Variants in ANKMY1 observed in about 807,000 individuals in gnomAD.
ANKMY1 encodes the protein ankyrin repeat and MYND domain containing 1.
A neutral mutation model predicts 102.0 loss-of-function variants in ANKMY1; 98 were observed. The ratio of observed to expected loss-of-function variants is 0.96; its 90% CI spans 0.82 to 1.14. ANKMY1 has a LOEUF of 1.14. Among genes scored for constraint, ANKMY1 ranks in the 50% most tolerant of loss-of-function variants. The probability of loss-of-function intolerance (pLI) is 0.00; values close to 1 mark genes in which losing one functional copy is unlikely to be tolerated. For synonymous variants in ANKMY1, 582 were observed against 559.9 expected, an observed-to-expected ratio of 1.04 and a Z score of -0.56; for missense variants, 1,330 against 1,347.6, an observed-to-expected ratio of 0.99 and a Z score of 0.20.
At chr2:240,514,002 G>A (rs1018606587) in intron 9 of ANKMY1, among the ~76,000 whole-genome samples, 6 of 152,248 alleles carry the variant, frequency 3.9e-5, no homozygotes, top group Admixed American at 6.5e-5. Flanking sequence ...CTGCTCCATG[G>A]TAACCACAGC....
intron 4 of ANKMY1, among the ~76,000 whole-genome samples, chr2:240,535,413 G>T: frequency 6.6e-6 from 1 of 152,322 alleles, no homozygotes. Context: ...TGTTCAGAGA[G>T]AGAGCAGGTT....
At chr2:240,545,079 A>G (rs1345234596) in intron 4 of ANKMY1, among the ~76,000 whole-genome samples, 3 of 151,814 alleles carry the variant, frequency 2.0e-5, no homozygotes, top group Admixed American at 6.6e-5. Flanking sequence ...CAAAAAGACA[A>G]CAGTAACCTC....
rs554830444 is a variant in ANKMY1 at position 240,547,620 on chromosome 2, A to T, written c.480+5294T>A. Among the ~76,000 whole-genome samples the T allele has an allele frequency of 2.7e-5, 4 of 149,054 alleles. No individual in the cohort carries two copies. In the South Asian group the frequency reaches 6.6e-4, roughly 25 times the overall value. On this transcript the variant is annotated intron_variant, in intron 4 of 17. Transcript: ENST00000401804. The stretch of plus-strand genomic sequence containing the variant: ...ACAAAATTGATAGACTGCTAGCAAG[A>T]CTAATAAAGAAAAAAAGAGAGAAGA...
chr2:240,554,712 T>A lies in ANKMY1; in HGVS notation c.336+154A>T, dbSNP rs2092077994. The A allele has an allele frequency of 5.7e-6, 5 of 880,964 alleles. No homozygotes were observed. The Admixed American group carries it at 1.3e-4, about 23-fold the overall frequency. The allele number at this position is 880,964 out of a possible 1,614,324, so 54.6% of individuals were successfully genotyped here. On this transcript the variant is annotated intron_variant, in intron 3 of 17. Coordinates refer to ENST00000401804, the MANE Select transcript of ANKMY1 (RefSeq NM_001282771.3). ...TGATTTTGGAAGTTGGGAAAGATGC[T>A]TTTCTCTGGACATTTCTCAAGGAGG...
At chr2:240,537,371 C>T (rs1178560588) in intron 4 of ANKMY1, among the ~76,000 whole-genome samples, 1 of 152,204 alleles carries the variant, frequency 6.6e-6, no homozygotes, top group Non-Finnish European at 1.5e-5. Flanking sequence ...GTCAATAGCT[C>T]CTGTGATTTT....
intron 17 of ANKMY1, among the ~76,000 whole-genome samples, chr2:240,479,889 C>G (rs886513003): frequency 1.3e-5 from 2 of 152,172 alleles, no homozygotes; most frequent in African/African-American, 4.8e-5. Context: ...AGCCAAGGAG[C>G]TGCGACCTCA....
intron 13 of ANKMY1, 117 bp downstream of exon 13, chr2:240,507,443 G>T (rs2079283986): frequency 8.3e-7 from 1 of 1,200,954 alleles, no homozygotes; most frequent in Non-Finnish European, 1.1e-6. Flanking sequence ...CTCACCCAGG[G>T]CCACCCACTC....
chr2:240,496,795 T>C (rs954441667), intron 15 of ANKMY1, among the ~76,000 whole-genome samples: 2 of 152,196 alleles, frequency 1.3e-5, no homozygotes, highest in African/African-American at 4.8e-5. Flanking sequence ...CCCTGGGGTA[T>C]AAATGGCTTC....
intron 4 of ANKMY1, among the ~76,000 whole-genome samples, chr2:240,539,465 C>A (rs2088001241): frequency 6.6e-6 from 1 of 152,180 alleles, no homozygotes; most frequent in Admixed American, 6.5e-5. Context: ...TCAGAAGGAA[C>A]AAACTCCCGA....
At chr2:240,485,502 T>TC (rs1435424952) in intron 15 of ANKMY1, among the ~76,000 whole-genome samples, 1 of 152,212 alleles carries the variant, frequency 6.6e-6, no homozygotes, top group Non-Finnish European at 1.5e-5. Context: ...GTTAATGTAA[T>TC]GTCTTAACTT....
rs553596179 is a variant in ANKMY1 at position 240,526,947 on chromosome 2, G to A, written c.954-502C>T. ...GTGTACACAACCCCTTTTCACAATC[G>A]AGAACCTGTGCATTATAGATGCTTC... On this transcript the variant is annotated intron_variant, in intron 5 of 17. Transcript: ENST00000401804. 1.2e-4 allele frequency: 127 copies of A among 1,054,108 alleles called. 2 individuals carry two copies. The South Asian group carries it at 3.5e-3, about 29-fold the overall frequency. 65.3% of individuals were successfully genotyped at this position (1,054,108 alleles called of 1,614,324 possible). A position where few individuals can be genotyped will look rare whatever the true frequency, so the allele number is the denominator to read the frequency against.
chr2:240,512,697 G>C, intron 10 of ANKMY1, 105 bp downstream of exon 10: 6 of 1,387,988 alleles, frequency 4.3e-6, no homozygotes, highest in Non-Finnish European at 5.8e-6. Flanking sequence ...CCCAAGCCAG[G>C]AGGCCCATCA....
intron 9 of ANKMY1, among the ~76,000 whole-genome samples, chr2:240,519,081 A>G (rs759979087): frequency 2.0e-5 from 3 of 152,230 alleles, no homozygotes; most frequent in Non-Finnish European, 4.4e-5. Flanking sequence ...GAAAAACAAA[A>G]TCTACAAATA....
At chr2:240,561,054 C>A, upstream of ANKMY1, 1 of 1,501,280 alleles carries the variant, frequency 6.7e-7, no homozygotes, top group East Asian at 2.4e-5. Flanking sequence ...GCACCGCGGC[C>A]TCAGCCTGGC....
intron 15 of ANKMY1, among the ~76,000 whole-genome samples, chr2:240,491,552 C>T (rs2076656263): frequency 6.6e-6 from 1 of 152,074 alleles, no homozygotes; most frequent in Non-Finnish European, 1.5e-5. Flanking sequence ...AAATGTTGTC[C>T]TTTAGCTTCT....
At chr2:240,540,787 T>C (rs1029914174) in intron 4 of ANKMY1, among the ~76,000 whole-genome samples, 1 of 152,172 alleles carries the variant, frequency 6.6e-6, no homozygotes. Context: ...CAATAACAGA[T>C]TTTGGTTCCC....
intron 11 of ANKMY1, 104 bp downstream of exon 11, chr2:240,511,757 T>C: frequency 7.1e-7 from 1 of 1,407,554 alleles, no homozygotes; most frequent in Non-Finnish European, 9.3e-7. Context: ...GGCTTCTGCC[T>C]AAGACTCAGC....
the ANKMY1 span, among the ~76,000 whole-genome samples, chr2:240,469,118 A>C: frequency 6.6e-6 from 1 of 152,182 alleles, no homozygotes; most frequent in South Asian, 2.1e-4. Context: ...TGGACAACGC[A>C]TTTGGTCCAG....
At chr2:240,549,548 A>C (rs2091115073) in intron 4 of ANKMY1, among the ~76,000 whole-genome samples, 1 of 152,236 alleles carries the variant, frequency 6.6e-6, no homozygotes, top group Admixed American at 6.5e-5. Flanking sequence ...TCTGCACAGC[A>C]AAAGAAACTA....
Sources: allele counts gnomAD v4.1 joint callset (sites outside exome capture counted in the v4.1 genomes callset), GRCh38; gene constraint gnomAD v4.1.1; transcripts MANE v1.5; gene names NCBI Gene and HGNC (gene_info 2026-07-23, HGNC 2026-07-21).